SLC15A5: variants seen among roughly 807,000 people sequenced by gnomAD.
SLC15A5 encodes solute carrier family 15 member 5, also known as Peptide/histidine transporter ENSP00000340402.
SLC15A5 carries 58 observed loss-of-function variants against 56.1 expected under a neutral mutation model. The observed-to-expected ratio is 1.03, with a 90% CI of 0.84 to 1.29. The LOEUF (loss-of-function observed/expected upper bound fraction) is 1.29. Among genes scored for constraint, SLC15A5 ranks in the 50% most tolerant of loss-of-function variants. The pLI is 0.00. For missense variants in SLC15A5, 681 were observed against 672.1 expected (o/e 1.01, Z -0.15); for synonymous variants, 264 against 250.5 (o/e 1.05, Z -0.51).
chr12:16,191,329 A>G (rs1457096008), intron 8 of SLC15A5, among the ~76,000 whole-genome samples: 1 of 152,046 alleles, frequency 6.6e-6, no homozygotes, highest in African/African-American at 2.4e-5. Context: ...GGGGGTGTCT[A>G]GGGTGCTAAA....
chr12:16,244,760 T>C lies in SLC15A5; in HGVS notation c.795A>G (p.Ala265=). The C allele has an allele frequency of 6.5e-7, 1 of 1,537,818 alleles. No individual in the cohort carries two copies. Among genetic ancestry groups the C allele is most frequent in the Non-Finnish European group, 8.7e-7 (1 of 1,147,032 alleles). Reference sequence around the variant, plus strand: ...AGTATTGCGGGTGGCATGTTTTCAGTGCACTAACCAACACCCCAACGCCTG... The same window carrying C: ...AGTATTGCGGGTGGCATGTTTTCAGCGCACTAACCAACACCCCAACGCCTG... The part of the protein sequence containing the change: ...LLTGVGVLVS[A]LKTCHPQYCH... Residue 265 remains alanine, a synonymous_variant, in exon 4 of 9, where the codon GCA becomes GCG. Transcript: ENST00000344941.
chr12:16,222,891 C>A (rs1157362216), intron 6 of SLC15A5, among the ~76,000 whole-genome samples: 1 of 152,170 alleles, frequency 6.6e-6, no homozygotes, highest in East Asian at 1.9e-4. Context: ...CAGAGAAGAT[C>A]ACAAATATTT....
intron 2 of SLC15A5, among the ~76,000 whole-genome samples, chr12:16,264,368 C>T (rs1330762361): frequency 1.3e-5 from 2 of 152,196 alleles, no homozygotes; most frequent in Non-Finnish European, 1.5e-5. Flanking sequence ...TGTATTTACC[C>T]AATACCTGTA....
At chr12:16,268,911 AGGGAGTGGTGTATTT>A (rs59383999) in intron 2 of SLC15A5, among the ~76,000 whole-genome samples, 67,147 of 150,844 alleles carry the variant, frequency 0.45, 15,064 homozygotes, top group South Asian at 0.61. Context: ...CAATGGTATT[AGGGAGTGGTGTATTT>A]GGGAGGTGGG....
chr12:16,244,536 A>G (rs1457287557), intron 4 of SLC15A5, 44 bp downstream of exon 4: 31 of 1,498,118 alleles, frequency 2.1e-5, no homozygotes, highest in South Asian at 7.2e-5. Flanking sequence ...TTGACATGCA[A>G]TCACTTTCCT....
intron 5 of SLC15A5, among the ~76,000 whole-genome samples, chr12:16,233,600 T>G (rs1864319783): frequency 6.6e-6 from 1 of 152,226 alleles, no homozygotes; most frequent in African/African-American, 2.4e-5. Context: ...TTTTATTACC[T>G]GTTACTGAAC....
intron 3 of SLC15A5, among the ~76,000 whole-genome samples, chr12:16,245,075 C>T (rs924852282): frequency 3.9e-5 from 6 of 152,164 alleles, no homozygotes; most frequent in Non-Finnish European, 5.9e-5. Flanking sequence ...CAAAATAATA[C>T]GCCAAAGTTA....
chr12:16,218,617 G>A (rs1224829841), intron 6 of SLC15A5, among the ~76,000 whole-genome samples: 1 of 152,142 alleles, frequency 6.6e-6, no homozygotes, highest in Non-Finnish European at 1.5e-5. Flanking sequence ...AGAGCACAGT[G>A]CTAAGTATTT....
chr12:16,225,125 C>T (rs1864228485), intron 5 of SLC15A5, among the ~76,000 whole-genome samples: 1 of 152,140 alleles, frequency 6.6e-6, no homozygotes, highest in African/African-American at 2.4e-5. Context: ...TCCAGTCTAT[C>T]ATTGTTGGAC....
At chr12:16,203,096 A>C (rs1863978323) in intron 7 of SLC15A5, among the ~76,000 whole-genome samples, 1 of 152,152 alleles carries the variant, frequency 6.6e-6, no homozygotes, top group African/African-American at 2.4e-5. Flanking sequence ...TATTGTATAT[A>C]TCAAAATTGC....
intron 3 of SLC15A5, among the ~76,000 whole-genome samples, chr12:16,249,078 C>A (rs927856895): frequency 6.6e-6 from 1 of 151,940 alleles, no homozygotes; most frequent in African/African-American, 2.4e-5. Flanking sequence ...TCATGAATAT[C>A]TATGCTACTT....
At chr12:16,200,364 G>T (rs1844976784) in intron 7 of SLC15A5, among the ~76,000 whole-genome samples, 1 of 151,706 alleles carries the variant, frequency 6.6e-6, no homozygotes, top group African/African-American at 2.4e-5. Context: ...TATGCCAGTG[G>T]ATTTCCCTTA....
At chr12:16,230,224 A>T (rs1864282657) in intron 5 of SLC15A5, among the ~76,000 whole-genome samples, 1 of 152,230 alleles carries the variant, frequency 6.6e-6, no homozygotes, top group African/African-American at 2.4e-5. Context: ...GGACATATTT[A>T]TCATATAATC....
chr12:16,252,180 A>G (rs1446576102), intron 3 of SLC15A5, among the ~76,000 whole-genome samples: 2 of 152,022 alleles, frequency 1.3e-5, no homozygotes, highest in East Asian at 1.9e-4. Context: ...TAAAAGTCAT[A>G]TATGAATATC....
intron 7 of SLC15A5, among the ~76,000 whole-genome samples, chr12:16,203,689 A>G (rs1863985459): frequency 1.3e-5 from 2 of 152,202 alleles, no homozygotes; most frequent in South Asian, 4.1e-4. Flanking sequence ...GTCTTCTGGT[A>G]TTACCATTGC....
rs1004895494 is a variant in SLC15A5 at position 16,257,736 on chromosome 12, A to G, written c.719T>C (p.Met240Thr). The change falls in exon 3 of 9, where the codon ATG becomes ACG. Residue 240 changes from methionine to threonine, a missense_variant. Physicochemically the swap from Met to Thr is moderately conservative, Grantham distance 81. Coordinates refer to ENST00000344941, the MANE Select transcript of SLC15A5 (RefSeq NM_001170798.1). ...SMLMAVITLH[M>T]IYYNLIYQSE... The stretch of plus-strand genomic sequence containing the variant: ...CTGATAAATTAGGTTGTAGTATATC[A>G]TATGAAGAGTTATCACAGCCATAAG... 2.0e-6 allele frequency: 3 copies of G among 1,517,886 alleles called. No homozygotes were observed. The highest frequency in any genetic ancestry group is 2.2e-5 in the Admixed American group (1 of 46,272). The allele number at this position is 1,517,886 out of a possible 1,614,324, so 94.0% of individuals were successfully genotyped here. A position where few individuals can be genotyped will look rare whatever the true frequency, so the allele number is the denominator to read the frequency against.
intron 7 of SLC15A5, among the ~76,000 whole-genome samples, chr12:16,208,656 G>A (rs1864045682): frequency 6.6e-6 from 1 of 152,084 alleles, no homozygotes; most frequent in Non-Finnish European, 1.5e-5. Flanking sequence ...GACAGGGCAA[G>A]ATCCCATCTC....
chr12:16,215,762 G>C (rs965977754), intron 7 of SLC15A5, among the ~76,000 whole-genome samples: 1 of 152,196 alleles, frequency 6.6e-6, no homozygotes, highest in African/African-American at 2.4e-5. Flanking sequence ...GTTTGACCTT[G>C]TCAGTCGTCA....
At chr12:16,261,443 T>A (rs947564816) in intron 2 of SLC15A5, among the ~76,000 whole-genome samples, 1 of 152,206 alleles carries the variant, frequency 6.6e-6, no homozygotes, top group African/African-American at 2.4e-5. Context: ...CAAGTACTAT[T>A]CCATTATGTA....
Sources: gnomAD v4.1 joint callset for allele counts (sites outside exome capture counted in the v4.1 genomes callset) on GRCh38, gnomAD v4.1.1 for gene constraint, MANE v1.5 for transcripts, NCBI Gene and HGNC (gene_info 2026-07-23, HGNC 2026-07-21) for gene names.